AGPS: variants seen among roughly 807,000 people sequenced by gnomAD.
AGPS encodes alkyldihydroxyacetonephosphate synthase, peroxisomal.
A neutral mutation model predicts 90.7 loss-of-function variants in AGPS; 26 were observed. That is an observed-to-expected ratio of 0.29 (90% confidence interval 0.21 to 0.40). AGPS has a LOEUF of 0.40. AGPS is among the 10% of genes least tolerant of loss of function. AGPS has a pLI of 1.00. For missense variants in AGPS, 540 were observed against 816.1 expected (o/e 0.66, Z 4.12); for synonymous variants, 294 against 285.3 (o/e 1.03, Z -0.31).
chr2:177,394,128 A>G (rs1685102652), intron 1 of AGPS, among the ~76,000 whole-genome samples: 1 of 152,232 alleles, frequency 6.6e-6, no homozygotes, highest in South Asian at 2.1e-4. Context: ...CTTGCTTCTG[A>G]TGAATTAATT....
intron 11 of AGPS, 60 bp from the exon 12 acceptor site, chr2:177,493,088 A>T (rs552976353): frequency 2.4e-5 from 33 of 1,400,380 alleles, no homozygotes; most frequent in Non-Finnish European, 3.2e-5. Flanking sequence ...TTCACATTCT[A>T]CCTGTCTAGC....
chr2:177,523,677 T>G, intron 18 of AGPS, 71 bp from the exon 19 acceptor site: 1 of 1,278,800 alleles, frequency 7.8e-7, no homozygotes. Flanking sequence ...TCTTTGGGAG[T>G]TGGGTCTTTT....
At chr2:177,438,351 G>A (rs946048109) in intron 5 of AGPS, among the ~76,000 whole-genome samples, 2 of 152,116 alleles carry the variant, frequency 1.3e-5, no homozygotes, top group African/African-American at 2.4e-5. Context: ...CCTGAAGTTC[G>A]AGTCTAGCCT....
At chr2:177,536,913 T>G (rs2079189361) in intron 19 of AGPS, among the ~76,000 whole-genome samples, 2 of 152,158 alleles carry the variant, frequency 1.3e-5, no homozygotes, top group African/African-American at 4.8e-5. Context: ...GATGCTATGA[T>G]GTATCACTAT....
intron 1 of AGPS, among the ~76,000 whole-genome samples, chr2:177,415,305 T>C (rs1270931869): frequency 6.6e-6 from 1 of 152,220 alleles, no homozygotes; most frequent in Non-Finnish European, 1.5e-5. Context: ...ATGCAATATA[T>C]ACCCAGGAGT....
chr2:177,532,768 C>A (rs1384064375), intron 19 of AGPS, among the ~76,000 whole-genome samples: 1 of 152,256 alleles, frequency 6.6e-6, no homozygotes, highest in Non-Finnish European at 1.5e-5. Flanking sequence ...TGTGGTACAT[C>A]CATACCATAG....
In AGPS at chr2:177,526,378, C is replaced by T. The variant is rs569209683; in HGVS notation, c.1855+2573C>T. On this transcript the variant is annotated intron_variant, in intron 19 of 19. Transcript: ENST00000264167. ...CTGAGTAGCTGGGATTACAGGCATG[C>T]GCCACAATTCATGGCTAATTCTTGT... Among the ~76,000 whole-genome samples, 57 of 151,984 alleles carry T rather than the reference C, an allele frequency of 3.8e-4. 1 individual carries two copies. The South Asian group carries it at 9.6e-3, about 26-fold the overall frequency.
intron 1 of AGPS, among the ~76,000 whole-genome samples, chr2:177,408,145 T>G (rs1293537032): frequency 2.0e-5 from 3 of 152,132 alleles, no homozygotes; most frequent in Non-Finnish European, 4.4e-5. Flanking sequence ...ACCCAAAAAG[T>G]GTAGAACATC....
intron 16 of AGPS, among the ~76,000 whole-genome samples, chr2:177,509,074 A>G (rs1347615464): frequency 6.6e-6 from 1 of 152,190 alleles, no homozygotes; most frequent in East Asian, 1.9e-4. Context: ...CTTAGATTGC[A>G]TATCTTAATA....
chr2:177,468,827 T>A (rs998676953), intron 10 of AGPS, among the ~76,000 whole-genome samples: 2 of 152,072 alleles, frequency 1.3e-5, no homozygotes, highest in African/African-American at 4.8e-5. Context: ...TTTGACATTT[T>A]GTATTATAGT....
At chr2:177,530,010 TTTTGTTTG>T (rs371123935) in intron 19 of AGPS, among the ~76,000 whole-genome samples, 5 of 152,258 alleles carry the variant, frequency 3.3e-5, no homozygotes, top group African/African-American at 7.2e-5. Flanking sequence ...AAAACAATAG[TTTTGTTTG>T]TTTGTTTGTT....
intron 2 of AGPS, among the ~76,000 whole-genome samples, chr2:177,422,909 C>CAGCCAAACAG (rs372544357): frequency 1.6e-4 from 12 of 77,218 alleles, no homozygotes; most frequent in East Asian, 3.1e-4. Flanking sequence ...TATTGAGTAT[C>CAGCCAAACAG]TACTGAGTTA....
At chr2:177,439,866 C>G (rs1686544720) in intron 5 of AGPS, among the ~76,000 whole-genome samples, 1 of 152,154 alleles carries the variant, frequency 6.6e-6, no homozygotes, top group Admixed American at 6.5e-5. Flanking sequence ...AGAACCTCCA[C>G]TAATGTCCTA....
intron 2 of AGPS, among the ~76,000 whole-genome samples, chr2:177,432,830 C>T (rs563464940): frequency 3.9e-5 from 6 of 152,268 alleles, no homozygotes; most frequent in African/African-American, 1.4e-4. Flanking sequence ...AAGCTGCTTC[C>T]AGTCCTGCAG....
At chr2:177,483,832 GC>G (rs1215839905) in intron 11 of AGPS, among the ~76,000 whole-genome samples, 6 of 152,136 alleles carry the variant, frequency 3.9e-5, no homozygotes, top group Admixed American at 1.3e-4. Flanking sequence ...TAACATCTGA[GC>G]ACTGAGTGGT....
chr2:177,442,538 T>A, intron 7 of AGPS, 52 bp downstream of exon 7: 1 of 1,382,224 alleles, frequency 7.2e-7, no homozygotes. Context: ...TGGCTCCACC[T>A]TAATTGTCAT....
chr2:177,501,392 G>A (rs1350995353), intron 14 of AGPS, among the ~76,000 whole-genome samples: 2 of 152,068 alleles, frequency 1.3e-5, no homozygotes, highest in South Asian at 2.1e-4. Flanking sequence ...TTAGAATGGG[G>A]TAGGATGATG....
At chr2:177,434,997 G>GGGTGTA (rs36151985) in intron 3 of AGPS, among the ~76,000 whole-genome samples, 6 of 128,130 alleles carry the variant, frequency 4.7e-5, no homozygotes, top group South Asian at 2.6e-4. Flanking sequence ...TAAACTGTAG[G>GGGTGTA]TATATATATA....
At chr2:177,453,690 ATT>A (rs11401105) in intron 8 of AGPS, among the ~76,000 whole-genome samples, 2 of 90,516 alleles carry the variant, frequency 2.2e-5, no homozygotes, top group African/African-American at 4.3e-5. Context: ...ATCAGTAGTA[ATT>A]TTTTTTTTTT....
Sources: gnomAD v4.1 joint callset for allele counts (sites outside exome capture counted in the v4.1 genomes callset) on GRCh38, gnomAD v4.1.1 for gene constraint, MANE v1.5 for transcripts, NCBI Gene and HGNC (gene_info 2026-07-23, HGNC 2026-07-21) for gene names.